The following SLC4A10 variants were observed in gnomAD, a reference collection of about 807,000 sequenced individuals.
SLC4A10 encodes sodium-driven chloride bicarbonate exchanger.
Under a neutral mutation model 137.7 loss-of-function variants are expected in SLC4A10, and 42 were observed. The observed-to-expected ratio is 0.30, with a 90% CI of 0.24 to 0.39. SLC4A10 has a LOEUF of 0.39. SLC4A10 is among the 10% of genes least tolerant of loss of function. The probability of loss-of-function intolerance (pLI) is 1.00; values close to 1 mark genes in which losing one functional copy is unlikely to be tolerated. For synonymous variants in SLC4A10, 474 were observed against 464.1 expected (o/e 1.02, Z -0.27); for missense variants, 925 against 1,355.0 (o/e 0.68, Z 4.98).
chr2:161,627,807 T>C (rs1177540979), intron 1 of SLC4A10, among the ~76,000 whole-genome samples: 1 of 152,098 alleles, frequency 6.6e-6, no homozygotes, highest in Non-Finnish European at 1.5e-5. Flanking sequence ...AGAAAAAGTG[T>C]GTCAGAAAGA....
At chr2:161,665,124 A>G (rs2038897389) in intron 1 of SLC4A10, among the ~76,000 whole-genome samples, 1 of 151,838 alleles carries the variant, frequency 6.6e-6, no homozygotes, top group Admixed American at 6.6e-5. Context: ...ATCCAAAAAT[A>G]GTAGCGGCTT....
chr2:161,879,860 G>A (rs16846172), intron 9 of SLC4A10, among the ~76,000 whole-genome samples: 62,842 of 151,672 alleles, frequency 0.41, 13,199 homozygotes, highest in Admixed American at 0.49. Context: ...GTGAGTTAAA[G>A]GTACAAATTT....
At chr2:161,789,859 G>A (rs1345120532) in intron 2 of SLC4A10, among the ~76,000 whole-genome samples, 1 of 152,120 alleles carries the variant, frequency 6.6e-6, no homozygotes, top group Non-Finnish European at 1.5e-5. Flanking sequence ...ATAAAGCATT[G>A]GGATTGTGTC....
At chr2:161,724,475 A>G (rs1183845185) in intron 1 of SLC4A10, among the ~76,000 whole-genome samples, 1 of 152,208 alleles carries the variant, frequency 6.6e-6, no homozygotes, top group Non-Finnish European at 1.5e-5. Context: ...GTACTTTGTG[A>G]ACATCTATTA....
intron 3 of SLC4A10, among the ~76,000 whole-genome samples, chr2:161,816,290 T>A (rs867552296): frequency 6.6e-6 from 1 of 152,172 alleles, no homozygotes; most frequent in South Asian, 2.1e-4. Context: ...TTCTTTGGAA[T>A]TCAACTTCCG....
intron 1 of SLC4A10, among the ~76,000 whole-genome samples, chr2:161,770,664 G>A (rs1368430087): frequency 2.6e-5 from 4 of 151,768 alleles, no homozygotes; most frequent in Admixed American, 6.6e-5. Context: ...GGATAAAAAT[G>A]CATTTTACTA....
At chr2:161,723,960 A>G (rs1559112690) in intron 1 of SLC4A10, among the ~76,000 whole-genome samples, 3 of 152,194 alleles carry the variant, frequency 2.0e-5, no homozygotes, top group South Asian at 2.1e-4. Context: ...CTCAAACTTG[A>G]TATGTATCAA....
rs1210653948 is a variant in SLC4A10, at chr2:161,703,400, G to C, written c.49-67573G>C. ...GTAAGGAAATGTTAATATAATACTT[G>C]GTAAAGATTAATAGTTTACTATCAT... On this transcript the variant is annotated intron_variant, in intron 1 of 26. Transcript: ENST00000446997. Among the ~76,000 whole-genome samples the C allele has an allele frequency of 2.0e-5, 3 of 151,286 alleles. No individual in the cohort carries two copies. In the Admixed American group the frequency reaches 2.0e-4, roughly 10 times the overall value.
At chr2:161,977,961 C>A (rs371397713) in intron 26 of SLC4A10, among the ~76,000 whole-genome samples, 2 of 152,162 alleles carry the variant, frequency 1.3e-5, no homozygotes, top group African/African-American at 4.8e-5. Context: ...TAGTCTGAAA[C>A]TTGAATAAAC....
intron 3 of SLC4A10, among the ~76,000 whole-genome samples, chr2:161,805,373 C>G (rs1280036514): frequency 1.3e-5 from 2 of 152,164 alleles, no homozygotes; most frequent in African/African-American, 4.8e-5. Flanking sequence ...CATTTCAAAA[C>G]CAATCGTGCC....
At chr2:161,713,131 A>AG (rs2044473114) in intron 1 of SLC4A10, among the ~76,000 whole-genome samples, 1 of 151,848 alleles carries the variant, frequency 6.6e-6, no homozygotes, top group Admixed American at 6.6e-5. Context: ...AAATAATAGA[A>AG]TAGTTCATTT....
intron 1 of SLC4A10, among the ~76,000 whole-genome samples, chr2:161,742,621 G>A (rs2048026837): frequency 1.3e-5 from 2 of 151,468 alleles, no homozygotes; most frequent in African/African-American, 4.9e-5. Flanking sequence ...TGTATTTTTA[G>A]TAGAGATGGG....
intron 1 of SLC4A10, among the ~76,000 whole-genome samples, chr2:161,761,657 AC>A (rs1419118276): frequency 6.6e-6 from 1 of 152,094 alleles, no homozygotes; most frequent in East Asian, 1.9e-4. Flanking sequence ...CTTCTCAGAT[AC>A]CTTTTATCCT....
At chr2:161,627,388 C>T (rs968766158) in intron 1 of SLC4A10, among the ~76,000 whole-genome samples, 1 of 151,764 alleles carries the variant, frequency 6.6e-6, no homozygotes, top group Non-Finnish European at 1.5e-5. Flanking sequence ...ATTGGACAGG[C>T]ATTAAAAGCC....
At chr2:161,767,554 G>A (rs1371074050) in intron 1 of SLC4A10, among the ~76,000 whole-genome samples, 1 of 151,786 alleles carries the variant, frequency 6.6e-6, no homozygotes, top group Non-Finnish European at 1.5e-5. Flanking sequence ...GCTATACTCT[G>A]CTCTTATGGG....
intron 16 of SLC4A10, among the ~76,000 whole-genome samples, chr2:161,945,198 A>G (rs1427986249): frequency 0.031 from 1,706 of 54,408 alleles, 110 homozygotes; most frequent in African/African-American, 0.081. Context: ...ATATATATAT[A>G]TATATATATA....
chr2:161,761,806 C>G (rs2050280855), intron 1 of SLC4A10, among the ~76,000 whole-genome samples: 1 of 152,082 alleles, frequency 6.6e-6, no homozygotes, highest in Admixed American at 6.6e-5. Context: ...ACTTTCACCT[C>G]TGAAACTTTG....
intron 3 of SLC4A10, among the ~76,000 whole-genome samples, chr2:161,834,599 C>T (rs192859668): frequency 6.6e-6 from 1 of 151,192 alleles, no homozygotes; most frequent in Non-Finnish European, 1.5e-5. Flanking sequence ...TTTTGATCAT[C>T]ATTGCTTTTA....
chr2:161,812,575 G>T (rs1174795037), intron 3 of SLC4A10, among the ~76,000 whole-genome samples: 1 of 151,928 alleles, frequency 6.6e-6, no homozygotes, highest in Non-Finnish European at 1.5e-5. Context: ...ATGTCCATGA[G>T]TACCCAATGT....
Sources: gnomAD v4.1 joint callset for allele counts (sites outside exome capture counted in the v4.1 genomes callset) on GRCh38, gnomAD v4.1.1 for gene constraint, MANE v1.5 for transcripts, NCBI Gene and HGNC (gene_info 2026-07-23, HGNC 2026-07-21) for gene names.